Variants in GNG7 observed in about 807,000 individuals in gnomAD.
GNG7 encodes G protein subunit gamma 7, also known as guanine nucleotide-binding protein G(I)/G(S)/G(O) subunit gamma-7.
GNG7 carries 1 observed loss-of-function variant against 4.0 expected under a neutral mutation model. The observed-to-expected ratio is 0.25, with a 90% CI of 0.09 to 1.18. The LOEUF is 1.18. Among genes scored for constraint, GNG7 ranks in the 50% most tolerant of loss-of-function variants. GNG7 has a pLI of 0.50. For synonymous variants in GNG7, 34 were observed against 36.9 expected (o/e 0.92, Z 0.29); for missense variants, 86 against 91.9 (o/e 0.94, Z 0.26).
At chr19:2,522,623 G>T (rs1332704565) in intron 3 of GNG7, among the ~76,000 whole-genome samples, 3 of 151,318 alleles carry the variant, frequency 2.0e-5, no homozygotes, top group Non-Finnish European at 4.4e-5. Flanking sequence ...GTGGTGGCGG[G>T]TGCCTGTAGT....
At chr19:2,528,349 G>A (rs984249448) in intron 3 of GNG7, among the ~76,000 whole-genome samples, 2 of 148,504 alleles carry the variant, frequency 1.3e-5, no homozygotes, top group African/African-American at 5.0e-5. Flanking sequence ...GAGGCGGGCA[G>A]ATCACGAGGC....
At chr19:2,640,655 CTTGCCCTG>C (rs1339535865) in intron 2 of GNG7, among the ~76,000 whole-genome samples, 1 of 152,108 alleles carries the variant, frequency 6.6e-6, no homozygotes, top group African/African-American at 2.4e-5. Flanking sequence ...GAGACAGGGT[CTTGCCCTG>C]TTGCCCAGGC....
chr19:2,586,660 C>A (rs1160458724), intron 2 of GNG7, among the ~76,000 whole-genome samples: 2 of 152,316 alleles, frequency 1.3e-5, no homozygotes, highest in South Asian at 2.1e-4. Flanking sequence ...TCAATGGGAA[C>A]TCACAGTGAA....
At chr19:2,530,301 T>A (rs942653941) in intron 3 of GNG7, among the ~76,000 whole-genome samples, 3 of 151,656 alleles carry the variant, frequency 2.0e-5, no homozygotes, top group Non-Finnish European at 2.9e-5. Context: ...TAGTCCCAGC[T>A]ACTTGGGAGG....
chr19:2,688,863 C>T lies in GNG7; in HGVS notation c.-135+13783G>A, dbSNP rs114537191. Among the ~76,000 whole-genome samples the T allele has an allele frequency of 8.9e-3, 1,346 of 152,072 alleles. 17 individuals carry two copies. Among genetic ancestry groups the T allele is most frequent in the African/African-American group, 0.031 (1,282 of 41,456 alleles). On this transcript the variant is annotated intron_variant, in intron 1 of 4. Coordinates refer to ENST00000382159, the MANE Select transcript of GNG7 (RefSeq NM_052847.3). The stretch of plus-strand genomic sequence containing the variant: ...GCAGGATCACTTGTGTTCAGGAGTT[C>T]GAGACCAGCCTAGGCAAAATAGCGA...
At chr19:2,563,705 C>T (rs1979816380) in intron 2 of GNG7, among the ~76,000 whole-genome samples, 1 of 152,060 alleles carries the variant, frequency 6.6e-6, no homozygotes, top group African/African-American at 2.4e-5. Flanking sequence ...TGGTCTTGAA[C>T]TCCTGACCTC....
rs1484934424 is a variant in GNG7, at chr19:2,557,086, T to C, written c.-77-1898A>G. 2.1e-5 allele frequency among the ~76,000 whole-genome samples: 3 copies of C among 143,702 alleles called. No individual in the cohort carries two copies. Among genetic ancestry groups the C allele is most frequent in the Non-Finnish European group, 4.6e-5 (3 of 65,524 alleles). The allele number at this position is 143,702 out of a possible 152,430, so 94.3% of individuals were successfully genotyped here. On this transcript the variant is annotated intron_variant, in intron 2 of 4. Transcript: ENST00000382159. This position sits in a 1 kb window ranked among gnomAD's most constrained non-coding sequence, Gnocchi z 5.1. ...ACGCACACAGACACACGCACACACG[T>C]GCACACAGGAATACTCAGACACACG...
At chr19:2,587,682 C>T (rs1031506953) in intron 2 of GNG7, among the ~76,000 whole-genome samples, 1 of 152,048 alleles carries the variant, frequency 6.6e-6, no homozygotes, top group Non-Finnish European at 1.5e-5. Context: ...TCACACCGAC[C>T]GTGGAAGCAT....
intron 2 of GNG7, among the ~76,000 whole-genome samples, chr19:2,560,515 T>C (rs1487334987): frequency 2.0e-5 from 3 of 151,988 alleles, no homozygotes; most frequent in Non-Finnish European, 2.9e-5. Context: ...CAGGGGACCC[T>C]GGGCGGTGGC....
At chr19:2,658,641 G>A (rs141974597) in intron 1 of GNG7, among the ~76,000 whole-genome samples, 1 of 152,172 alleles carries the variant, frequency 6.6e-6, no homozygotes, top group Non-Finnish European at 1.5e-5. Flanking sequence ...AGGGCATCAC[G>A]CCCAGTGAAA....
At chr19:2,667,024 C>T (rs1041820918) in intron 1 of GNG7, among the ~76,000 whole-genome samples, 2 of 152,140 alleles carry the variant, frequency 1.3e-5, no homozygotes, top group Non-Finnish European at 2.9e-5. Flanking sequence ...TCCCTTCACA[C>T]AAAACACACA....
chr19:2,675,789 G>C (rs541315179), intron 1 of GNG7, among the ~76,000 whole-genome samples: 1 of 152,300 alleles, frequency 6.6e-6, no homozygotes, highest in South Asian at 2.1e-4. Context: ...TCAGCACCCT[G>C]CAGTGCCCAG....
At chr19:2,565,519 A>AC (rs1979876842) in intron 2 of GNG7, among the ~76,000 whole-genome samples, 1 of 144,346 alleles carries the variant, frequency 6.9e-6, no homozygotes, top group African/African-American at 2.5e-5. Context: ...CTCAAAAAAA[A>AC]AAAAACAAAA....
chr19:2,553,606 T>G (rs1410165241), intron 3 of GNG7, among the ~76,000 whole-genome samples: 1 of 148,756 alleles, frequency 6.7e-6, no homozygotes, highest in Non-Finnish European at 1.5e-5. Context: ...ACATGCAATA[T>G]ATCATACTAC....
chr19:2,520,798 T>TGCGTC (rs1254368303), intron 3 of GNG7, 73 bp from the exon 4 acceptor site: 6 of 674,384 alleles, frequency 8.9e-6, no homozygotes, highest in African/African-American at 8.9e-5. Flanking sequence ...GCGCCCGGCC[T>TGCGTC]TGGCTCAACC....
chr19:2,553,256 T>A (rs1290051214), intron 3 of GNG7, among the ~76,000 whole-genome samples: 1 of 151,086 alleles, frequency 6.6e-6, no homozygotes, highest in Non-Finnish European at 1.5e-5. Context: ...AACCAGTGTG[T>A]GACATCCAAT....
rs1981493827 is a variant in GNG7 at position 2,609,453 on chromosome 19, C to T, written c.-78+36771G>A. Reference sequence around the variant, plus strand: ...TGGTCCTGCCCTGGGATTTGGGAGCCGACAGGTCCGGGTAACAACTGCAGT... The same window carrying T: ...TGGTCCTGCCCTGGGATTTGGGAGCTGACAGGTCCGGGTAACAACTGCAGT... On this transcript the variant is annotated intron_variant, in intron 2 of 4. Coordinates refer to ENST00000382159, the MANE Select transcript of GNG7 (RefSeq NM_052847.3). This position sits in a 1 kb window ranked among gnomAD's most constrained non-coding sequence, Gnocchi z 4.4. Among the ~76,000 whole-genome samples the T allele has an allele frequency of 6.6e-6, 1 of 152,092 alleles. No homozygotes were observed. Among genetic ancestry groups the T allele is most frequent in the African/African-American group, 2.4e-5 (1 of 41,406 alleles).
rs920308708 is a variant in GNG7 at position 2,535,363 on chromosome 19, G to T, written c.-37-14638C>A. The stretch of plus-strand genomic sequence containing the variant: ...AAAATACAAAAAACTAGTTGGGTGT[G>T]GTGGTGCACACCTGTAGTCCCAGCT... On this transcript the variant is annotated intron_variant, in intron 3 of 4. Transcript: ENST00000382159. Among the ~76,000 whole-genome samples, 3 of 151,858 alleles carry T rather than the reference G, an allele frequency of 2.0e-5. No individual in the cohort carries two copies. In the South Asian group the frequency reaches 6.2e-4, roughly 32 times the overall value.
At chr19:2,627,082 A>G (rs1040447537) in intron 2 of GNG7, among the ~76,000 whole-genome samples, 4 of 151,906 alleles carry the variant, frequency 2.6e-5, no homozygotes, top group Non-Finnish European at 5.9e-5. Flanking sequence ...GTGGATTTCA[A>G]TGTGTGCAGC....
Sources: allele counts gnomAD v4.1 joint callset (sites outside exome capture counted in the v4.1 genomes callset), GRCh38; gene constraint gnomAD v4.1.1; non-coding constraint Gnocchi (gnomAD v3.1); transcripts MANE v1.5; gene names NCBI Gene and HGNC (gene_info 2026-07-23, HGNC 2026-07-21).